Variants in DLG2 observed in about 807,000 individuals in gnomAD.
The protein encoded by DLG2 is disks large homolog 2.
DLG2 carries 45 observed loss-of-function variants against 132.5 expected under a neutral mutation model. That is an observed-to-expected ratio of 0.34 (90% CI 0.27 to 0.44). The LOEUF (loss-of-function observed/expected upper bound fraction) is 0.44, where lower values mean the gene tolerates loss of function less well. DLG2 is among the 20% of genes least tolerant of loss of function. The pLI is 1.00. For synonymous variants in DLG2, 424 were observed against 419.6 expected (o/e 1.01, Z -0.13); for missense variants, 1,045 against 1,196.9 (o/e 0.87, Z 1.87).
intron 7 of DLG2, among the ~76,000 whole-genome samples, chr11:84,412,973 A>C (rs115177739): frequency 0.02 from 3,114 of 152,324 alleles, 30 homozygotes; most frequent in Non-Finnish European, 0.023. Context: ...ACCTATTATT[A>C]TCTGAATTAT....
At chr11:83,864,354 T>C (rs2154053908) in intron 16 of DLG2, among the ~76,000 whole-genome samples, 1 of 152,340 alleles carries the variant, frequency 6.6e-6, no homozygotes, top group Admixed American at 6.5e-5. Flanking sequence ...GCCTTTTTCT[T>C]CTTGATTTTC....
At chr11:83,601,501 T>C (rs979763755) in intron 19 of DLG2, among the ~76,000 whole-genome samples, 4 of 135,528 alleles carry the variant, frequency 3.0e-5, no homozygotes, top group African/African-American at 8.6e-5. Flanking sequence ...CAAAGTAATA[T>C]GTGATGTTCT....
intron 6 of DLG2, among the ~76,000 whole-genome samples, chr11:85,007,589 C>A (rs1269725065): frequency 7.1e-6 from 1 of 141,822 alleles, no homozygotes; most frequent in Non-Finnish European, 1.5e-5. Context: ...TGGCGTGAAT[C>A]TGGGAGGCAG....
At chr11:84,895,732 T>C (rs2090096223) in intron 6 of DLG2, among the ~76,000 whole-genome samples, 1 of 152,166 alleles carries the variant, frequency 6.6e-6, no homozygotes, top group Non-Finnish European at 1.5e-5. Context: ...TTACTAGTTA[T>C]TGGGTATTGA....
chr11:83,810,323 G>A (rs1337725259), intron 17 of DLG2, among the ~76,000 whole-genome samples: 1 of 152,032 alleles, frequency 6.6e-6, no homozygotes. Context: ...TTTCCCTAAA[G>A]AAAGTAAATT....
In DLG2 at chr11:84,610,155, A is replaced by G. The variant is rs372003682; in HGVS notation, c.358-75424T>C. Reference sequence around the variant, plus strand: ...ACATAAAATGAGATATGTGGATGATACTGAAGGAAAAAGCTTTTCATGATG... The same window carrying G: ...ACATAAAATGAGATATGTGGATGATGCTGAAGGAAAAAGCTTTTCATGATG... On this transcript the variant is annotated intron_variant, in intron 6 of 27. Transcript: ENST00000376104. Among the ~76,000 whole-genome samples the G allele has an allele frequency of 1.2e-4, 19 of 152,240 alleles. No individual in the cohort carries two copies. The East Asian group carries it at 2.9e-3, about 23-fold the overall frequency.
chr11:85,583,130 G>GTGTGTGTATATATATA (rs1555190569), intron 3 of DLG2, among the ~76,000 whole-genome samples: 9 of 13,604 alleles, frequency 6.6e-4, no homozygotes, highest in African/African-American at 8.1e-4. Flanking sequence ...GTGTGTGTGT[G>GTGTGTGTATATATATA]TATATATATA....
At chr11:85,419,742 T>C (rs2051040927) in intron 3 of DLG2, among the ~76,000 whole-genome samples, 1 of 152,248 alleles carries the variant, frequency 6.6e-6, no homozygotes, top group African/African-American at 2.4e-5. Context: ...TACTTGCATA[T>C]GCTTCACAAA....
chr11:84,166,067 G>A (rs2095655164), intron 8 of DLG2, among the ~76,000 whole-genome samples: 1 of 152,158 alleles, frequency 6.6e-6, no homozygotes. Context: ...CAGTGAGAGA[G>A]TTCAGAAAAG....
intron 6 of DLG2, among the ~76,000 whole-genome samples, chr11:84,911,473 A>G (rs1017684070): frequency 6.6e-6 from 1 of 151,928 alleles, no homozygotes; most frequent in Admixed American, 6.5e-5. Context: ...CTTCTCAATT[A>G]TTTGAATCAT....
chr11:84,775,568 C>T (rs1415211368), intron 6 of DLG2, among the ~76,000 whole-genome samples: 1 of 151,972 alleles, frequency 6.6e-6, no homozygotes, highest in African/African-American at 2.4e-5. Context: ...TACATATACA[C>T]CATGAAATAC....
At chr11:83,872,718 G>GAGAT (rs2063717696) in intron 16 of DLG2, among the ~76,000 whole-genome samples, 1 of 152,170 alleles carries the variant, frequency 6.6e-6, no homozygotes, top group African/African-American at 2.4e-5. Flanking sequence ...CAAAAGTTTG[G>GAGAT]AGATAGCCTT....
intron 19 of DLG2, among the ~76,000 whole-genome samples, chr11:83,551,104 C>A (rs940858387): frequency 1.3e-5 from 2 of 152,154 alleles, no homozygotes; most frequent in Admixed American, 6.6e-5. Context: ...CAAATTACTT[C>A]ATATCTTTGT....
At chr11:83,876,140 T>G (rs1019665728) in intron 15 of DLG2, among the ~76,000 whole-genome samples, 1 of 152,196 alleles carries the variant, frequency 6.6e-6, no homozygotes, top group Non-Finnish European at 1.5e-5. Context: ...GCTCTGTATG[T>G]CAGCTTCTCA....
chr11:84,302,531 A>G (rs1282756780), intron 7 of DLG2, among the ~76,000 whole-genome samples: 2 of 152,180 alleles, frequency 1.3e-5, no homozygotes, highest in African/African-American at 2.4e-5. Context: ...ACGTGTCAAT[A>G]AAATTTGTAT....
chr11:85,498,157 C>T (rs777815033), intron 3 of DLG2, among the ~76,000 whole-genome samples: 5 of 152,098 alleles, frequency 3.3e-5, no homozygotes, highest in Non-Finnish European at 5.9e-5. Flanking sequence ...GAGTCAAGAA[C>T]CATCAGTGTG....
rs191627906 is a variant in DLG2, at chr11:84,237,788, A to C, written c.573+13450T>G. On this transcript the variant is annotated intron_variant, in intron 8 of 27. Transcript: ENST00000376104. ...CATGGTGGCTTATGCCTATAATCCC[A>C]GCACTTTGGGAGGCTGAAGCAGGTG... is the stretch of plus-strand genomic sequence containing the variant. Among the ~76,000 whole-genome samples the C allele has an allele frequency of 1.3e-3, 203 of 152,272 alleles. 3 individuals carry two copies. Among genetic ancestry groups the C allele is most frequent in the African/African-American group, 4.6e-3 (192 of 41,558 alleles).
At chr11:83,958,058 TG>T (rs1163193585) in intron 14 of DLG2, among the ~76,000 whole-genome samples, 2 of 152,218 alleles carry the variant, frequency 1.3e-5, no homozygotes, top group African/African-American at 4.8e-5. Flanking sequence ...GTAAATTCCA[TG>T]AGGGCAAGCA....
intron 3 of DLG2, among the ~76,000 whole-genome samples, chr11:85,408,190 A>G (rs2088951508): frequency 6.7e-6 from 1 of 149,220 alleles, no homozygotes; most frequent in Admixed American, 6.7e-5. Context: ...ATTTATAGAA[A>G]TCTTTTTTTT....
Sources: gnomAD v4.1 joint callset for allele counts (sites outside exome capture counted in the v4.1 genomes callset) on GRCh38, gnomAD v4.1.1 for gene constraint, MANE v1.5 for transcripts, NCBI Gene and HGNC (gene_info 2026-07-23, HGNC 2026-07-21) for gene names.